CNTLN: variants seen among roughly 807,000 people sequenced by gnomAD.
CNTLN encodes the protein centlein, also known as centlein, centrosomal protein.
CNTLN carries 212 observed loss-of-function variants against 180.0 expected under a neutral mutation model. That is an observed-to-expected ratio of 1.18 (90% CI 1.05 to 1.32). The LOEUF is 1.32. CNTLN is among the 40% of genes most tolerant of loss of function. CNTLN has a pLI of 0.00. For missense variants in CNTLN, 2,095 were observed against 1,610.9 expected, an observed-to-expected ratio of 1.30 and a Z score of -5.14; for synonymous variants, 722 against 563.1, an observed-to-expected ratio of 1.28 and a Z score of -3.99.
intron 1 of CNTLN, among the ~76,000 whole-genome samples, chr9:17,140,018 A>G (rs755098047): frequency 2.4e-4 from 37 of 152,302 alleles, no homozygotes; most frequent in Non-Finnish European, 1.9e-4. Context: ...TTGTTATTTA[A>G]AAAGAACATC....
At chr9:17,152,652 G>A (rs573471247) in intron 2 of CNTLN, among the ~76,000 whole-genome samples, 1 of 152,304 alleles carries the variant, frequency 6.6e-6, no homozygotes, top group Admixed American at 6.5e-5. Context: ...TTGGGGTAGA[G>A]AGTTCTGTAG....
intron 3 of CNTLN, among the ~76,000 whole-genome samples, chr9:17,231,430 G>C (rs1824807125): frequency 6.6e-6 from 1 of 151,394 alleles, no homozygotes; most frequent in South Asian, 2.1e-4. Flanking sequence ...CCTTTTTTTG[G>C]GTAAGACTAT....
At chr9:17,135,456 C>T (rs1389972394) in intron 1 of CNTLN, 31 bp downstream of exon 1, 2 of 1,571,280 alleles carry the variant, frequency 1.3e-6, no homozygotes, top group South Asian at 2.4e-5. Flanking sequence ...CCCCCTTTCC[C>T]CACCACAGCG....
At chr9:17,367,566 C>G (rs369594566) in intron 13 of CNTLN, among the ~76,000 whole-genome samples, 29 of 152,118 alleles carry the variant, frequency 1.9e-4, no homozygotes, top group African/African-American at 6.0e-4. Flanking sequence ...CAGCACAGCT[C>G]ATGGCTCTGA....
chr9:17,198,050 G>T (rs577926269), intron 2 of CNTLN, among the ~76,000 whole-genome samples: 22 of 152,208 alleles, frequency 1.4e-4, no homozygotes, highest in African/African-American at 5.1e-4. Flanking sequence ...CACTGTAGAT[G>T]TATGCCTATA....
intron 18 of CNTLN, among the ~76,000 whole-genome samples, chr9:17,418,603 AT>A (rs1462540128): frequency 6.6e-6 from 1 of 151,926 alleles, no homozygotes; most frequent in Non-Finnish European, 1.5e-5. Context: ...TTTCCTGCCT[AT>A]TTATGGTAGA....
intron 5 of CNTLN, among the ~76,000 whole-genome samples, chr9:17,251,752 G>C (rs1240793224): frequency 6.6e-6 from 1 of 151,806 alleles, no homozygotes; most frequent in Non-Finnish European, 1.5e-5. Flanking sequence ...ATCATTTATA[G>C]TCTCTTTCAG....
chr9:17,211,645 C>G (rs1244756908), intron 2 of CNTLN, among the ~76,000 whole-genome samples: 1 of 152,116 alleles, frequency 6.6e-6, no homozygotes, highest in East Asian at 1.9e-4. Flanking sequence ...TTACCTTGGG[C>G]AGTATGGCCA....
chr9:17,242,071 T>G (rs2132203518), intron 5 of CNTLN, among the ~76,000 whole-genome samples: 1 of 152,332 alleles, frequency 6.6e-6, no homozygotes, highest in African/African-American at 2.4e-5. Context: ...GGGCTTCCAG[T>G]ACTGTGCTGA....
intron 5 of CNTLN, among the ~76,000 whole-genome samples, chr9:17,261,851 G>C (rs1004011265): frequency 6.6e-6 from 1 of 151,498 alleles, no homozygotes; most frequent in Non-Finnish European, 1.5e-5. Context: ...AAGGTATCCA[G>C]AATCTACAAG....
At chr9:17,383,393 A>G (rs1468251907) in intron 13 of CNTLN, among the ~76,000 whole-genome samples, 1 of 151,806 alleles carries the variant, frequency 6.6e-6, no homozygotes. Context: ...ACACACTTGT[A>G]CTACCAGCTA....
At chr9:17,516,655 A>T in the CNTLN span, among the ~76,000 whole-genome samples, 2 of 152,174 alleles carry the variant, frequency 1.3e-5, no homozygotes, top group South Asian at 4.1e-4. Context: ...CATCTGTCAC[A>T]TCAGGGTCCT....
chr9:17,419,417 G>C (rs1828523464), intron 18 of CNTLN, among the ~76,000 whole-genome samples: 2 of 152,074 alleles, frequency 1.3e-5, no homozygotes, highest in South Asian at 4.1e-4. Flanking sequence ...TGCCACAGGT[G>C]TAAAGATACG....
At chr9:17,182,625 T>C (rs1013386994) in intron 2 of CNTLN, among the ~76,000 whole-genome samples, 3 of 152,132 alleles carry the variant, frequency 2.0e-5, no homozygotes, top group East Asian at 1.9e-4. Flanking sequence ...TGTTGACATT[T>C]GCTCTTTAGA....
intron 6 of CNTLN, among the ~76,000 whole-genome samples, chr9:17,274,456 TC>T (rs1178288963): frequency 2.3e-5 from 1 of 44,200 alleles, no homozygotes. Flanking sequence ...TAGATCAATA[TC>T]TATCTATCTA....
In CNTLN at chr9:17,324,119, C is replaced by A. The variant is rs575353413; in HGVS notation, c.1342-6513C>A. On this transcript the variant is annotated intron_variant, in intron 8 of 25. Coordinates refer to ENST00000380647, the MANE Select transcript of CNTLN (RefSeq NM_017738.4). ...TAACAAGCATAGTCCCTTGCTTATA[C>A]CATTAATGCACAAATTTTGGTTGTT... Among the ~76,000 whole-genome samples, 3 of 152,200 alleles carry A rather than the reference C, an allele frequency of 2.0e-5. No individual in the cohort carries two copies. The South Asian group carries it at 6.2e-4, about 32-fold the overall frequency.
intron 13 of CNTLN, among the ~76,000 whole-genome samples, chr9:17,374,576 A>G (rs1351878683): frequency 6.6e-6 from 1 of 152,130 alleles, no homozygotes; most frequent in Non-Finnish European, 1.5e-5. Flanking sequence ...ACAATTAGAA[A>G]TAGGCTGGGT....
chr9:17,382,276 A>G (rs977694106), intron 13 of CNTLN, among the ~76,000 whole-genome samples: 36 of 152,336 alleles, frequency 2.4e-4, no homozygotes, highest in African/African-American at 7.7e-4. Context: ...TGGGCAGCAT[A>G]CAATTTAAGT....
intron 8 of CNTLN, among the ~76,000 whole-genome samples, chr9:17,313,229 G>A (rs1025761191): frequency 6.6e-6 from 1 of 151,752 alleles, no homozygotes; most frequent in Non-Finnish European, 1.5e-5. Flanking sequence ...GTATATATTC[G>A]GATCCTGTTG....
Sources: allele counts gnomAD v4.1 joint callset (sites outside exome capture counted in the v4.1 genomes callset), GRCh38; gene constraint gnomAD v4.1.1; transcripts MANE v1.5; gene names NCBI Gene and HGNC (gene_info 2026-07-23, HGNC 2026-07-21).